NRG1: variants seen among roughly 807,000 people sequenced by gnomAD.
NRG1 encodes the protein neuregulin 1.
In NRG1, 18 loss-of-function variants were observed where a neutral mutation model predicts 63.8. The observed-to-expected ratio is 0.28, with a 90% confidence interval of 0.19 to 0.42. The LOEUF (loss-of-function observed/expected upper bound fraction) is 0.42. Among genes scored for constraint, NRG1 ranks in the 10% least tolerant of loss-of-function variants. The probability of loss-of-function intolerance (pLI) is 1.00; values close to 1 mark genes in which losing one functional copy is unlikely to be tolerated. For synonymous variants in NRG1, 302 were observed against 301.3 expected (o/e 1.00, Z -0.02); for missense variants, 762 against 814.7 (o/e 0.94, Z 0.79).
intron 1 of NRG1, among the ~76,000 whole-genome samples, chr8:32,356,485 A>ACCCCCCCGGCCCCCCCCCCC (rs202115951): frequency 2.6e-5 from 2 of 75,484 alleles, no homozygotes; most frequent in Non-Finnish European, 2.5e-5. Flanking sequence ...CCCCCCCCCC[A>ACCCCCCCGGCCCCCCCCCCC]CCCGCCGGGC....
At chr8:32,570,815 T>C (rs1047838491) in intron 1 of NRG1, among the ~76,000 whole-genome samples, 3 of 152,190 alleles carry the variant, frequency 2.0e-5, no homozygotes, top group African/African-American at 7.2e-5. Context: ...AGGTAATCAA[T>C]ACTAAGATAA....
chr8:32,491,395 CA>C, intron 1 of NRG1, among the ~76,000 whole-genome samples: 1 of 152,070 alleles, frequency 6.6e-6, no homozygotes, highest in Non-Finnish European at 1.5e-5. Flanking sequence ...ATAAATTTCC[CA>C]GTCAATCCTA....
At chr8:31,960,843 A>G (rs1245972175) in intron 1 of NRG1, among the ~76,000 whole-genome samples, 4 of 152,244 alleles carry the variant, frequency 2.6e-5, no homozygotes, top group African/African-American at 7.2e-5. Context: ...TTATTAAGCA[A>G]TACATTAAGA....
intron 1 of NRG1, among the ~76,000 whole-genome samples, chr8:32,444,722 C>G (rs929694949): frequency 1.3e-5 from 2 of 152,164 alleles, no homozygotes; most frequent in Admixed American, 1.3e-4. Flanking sequence ...TGGGAAGTCT[C>G]ACAATTTTGT....
chr8:32,281,979 T>C (rs867139335), intron 1 of NRG1, among the ~76,000 whole-genome samples: 1 of 152,220 alleles, frequency 6.6e-6, no homozygotes, highest in Non-Finnish European at 1.5e-5. Flanking sequence ...GTCAAGGACA[T>C]TCTGAGGCTT....
At chr8:32,418,249 G>A (rs919144276) in intron 1 of NRG1, among the ~76,000 whole-genome samples, 9 of 151,774 alleles carry the variant, frequency 5.9e-5, no homozygotes, top group East Asian at 5.8e-4. Context: ...AAAATATAAC[G>A]TGTGTTACAT....
At chr8:32,580,863 G>T (rs888851346) in intron 1 of NRG1, among the ~76,000 whole-genome samples, 1 of 152,134 alleles carries the variant, frequency 6.6e-6, no homozygotes, top group Admixed American at 6.5e-5. Context: ...CCATTGAGCA[G>T]TGTTCAACTG....
At position 32,742,612 on chromosome 8, in the gene NRG1, A is replaced by C; in HGVS notation, c.633-63A>C. 1.8e-5 allele frequency: 25 copies of C among 1,357,288 alleles called. No individual in the cohort carries two copies. The highest frequency in any genetic ancestry group is 2.4e-5 in the Non-Finnish European group (23 of 951,372). 84.1% of individuals were successfully genotyped at this position (1,357,288 alleles called of 1,614,324 possible). On this transcript the variant is annotated intron_variant, in intron 6 of 11. Coordinates refer to ENST00000356819, the Ensembl canonical transcript of NRG1. The surrounding 1 kb of genome is among the most constrained non-coding windows in gnomAD (Gnocchi z 4.2). ...GACACTGAAGGAGCTTCTTTCTAGC[A>C]TATATTCACCTCTTCTCTTTTTCTC...
At chr8:31,876,398 T>G (rs1438831167) in intron 1 of NRG1, among the ~76,000 whole-genome samples, 1 of 152,194 alleles carries the variant, frequency 6.6e-6, no homozygotes. Flanking sequence ...AAAAGCTTTC[T>G]ATTCATTTGA....
At chr8:32,042,119 A>G (rs951416046) in intron 1 of NRG1, among the ~76,000 whole-genome samples, 1 of 152,160 alleles carries the variant, frequency 6.6e-6, no homozygotes, top group Non-Finnish European at 1.5e-5. Flanking sequence ...TTGCCTGATT[A>G]AAAAATAGTT....
At chr8:32,405,400 A>G (rs926512993) in intron 1 of NRG1, among the ~76,000 whole-genome samples, 3 of 152,248 alleles carry the variant, frequency 2.0e-5, no homozygotes, top group Non-Finnish European at 4.4e-5. Flanking sequence ...TTCAAGTACT[A>G]TGGTGACTTC....
chr8:32,728,890 C>G (rs1243963526), intron 6 of NRG1, among the ~76,000 whole-genome samples: 1 of 151,980 alleles, frequency 6.6e-6, no homozygotes, highest in Non-Finnish European at 1.5e-5. Context: ...ACCGTGAAAC[C>G]CCGTCTCTAC....
At chr8:31,894,549 T>TTC (rs1831409926) in intron 1 of NRG1, among the ~76,000 whole-genome samples, 1 of 111,256 alleles carries the variant, frequency 9.0e-6, no homozygotes, top group Non-Finnish European at 2.0e-5. Flanking sequence ...TTTCTTTCTT[T>TTC]TTTCTTTTTT....
chr8:31,968,365 A>G (rs1806714396), intron 1 of NRG1, among the ~76,000 whole-genome samples: 1 of 152,188 alleles, frequency 6.6e-6, no homozygotes, highest in South Asian at 2.1e-4. Context: ...GGGAGTGCTG[A>G]CAAGTCTGCT....
At chr8:32,278,823 G>T (rs1331580646) in intron 1 of NRG1, among the ~76,000 whole-genome samples, 2 of 152,200 alleles carry the variant, frequency 1.3e-5, no homozygotes, top group African/African-American at 4.8e-5. Context: ...TCCCTCTAAA[G>T]ATGGGCATGT....
intron 1 of NRG1, among the ~76,000 whole-genome samples, chr8:31,960,523 T>C (rs1436041663): frequency 1.3e-5 from 2 of 152,248 alleles, no homozygotes; most frequent in Admixed American, 6.5e-5. Context: ...ACCCAGGAGA[T>C]AATTTTATTC....
intron 1 of NRG1, among the ~76,000 whole-genome samples, chr8:32,499,652 C>A (rs117320525): frequency 2.0e-5 from 3 of 151,896 alleles, no homozygotes; most frequent in African/African-American, 7.3e-5. Context: ...CCAGCCTGGG[C>A]GACAGAGTGA....
rs1461934879 is a variant in NRG1, at chr8:31,945,523, A to G, written c.37+306092A>G. Among the ~76,000 whole-genome samples the G allele has an allele frequency of 9.2e-5, 14 of 152,302 alleles. No individual in the cohort carries two copies. In the East Asian group the frequency reaches 2.5e-3, roughly 27 times the overall value. On this transcript the variant is annotated intron_variant, in intron 1 of 10. Transcript: ENST00000519301. ...CCACTTGAGAATTGAGTAGAGATAA[A>G]TATGTGCGCCCCTTTTTACTGTGAT...
intron 5 of NRG1, among the ~76,000 whole-genome samples, chr8:32,650,331 C>G (rs775174006): frequency 6.6e-6 from 1 of 151,882 alleles, no homozygotes; most frequent in African/African-American, 2.4e-5. Context: ...ACAGCTGCAA[C>G]GTTTTGAAGT....
Sources: gnomAD v4.1 joint callset for allele counts (sites outside exome capture counted in the v4.1 genomes callset) on GRCh38, gnomAD v4.1.1 for gene constraint, Gnocchi (gnomAD v3.1) non-coding constraint, MANE v1.5 for transcripts, NCBI Gene and HGNC (gene_info 2026-07-23, HGNC 2026-07-21) for gene names.